Variants in FHAD1 observed in about 807,000 individuals in gnomAD.
FHAD1 encodes the protein forkhead associated phosphopeptide binding domain 1.
A neutral mutation model predicts 191.3 loss-of-function variants in FHAD1; 146 were observed. The ratio of observed to expected loss-of-function variants is 0.76; its 90% CI spans 0.67 to 0.88. FHAD1 has a LOEUF of 0.88. FHAD1 is among the 40% of genes least tolerant of loss of function. The pLI, the probability that FHAD1 is intolerant of heterozygous loss-of-function variation, is 0.00. For missense variants in FHAD1, 1,635 were observed against 1,785.8 expected, an observed-to-expected ratio of 0.92 and a Z score of 1.52; for synonymous variants, 616 against 672.3, an observed-to-expected ratio of 0.92 and a Z score of 1.29.
rs183613709 is a variant in FHAD1, at chr1:15,292,402, C to T, written c.568+2736C>T. Among the ~76,000 whole-genome samples the T allele has an allele frequency of 6.9e-3, 1,053 of 152,306 alleles. 15 individuals carry two copies. Among genetic ancestry groups the T allele is most frequent in the African/African-American group, 0.024 (979 of 41,560 alleles). ...AGGCTGGAGTGCAGTGGCACGATCT[C>T]GGCTTACAGCAAGCTCCACCTCCCA... On this transcript the variant is annotated intron_variant, in intron 4 of 33. Coordinates refer to ENST00000688493, the MANE Select transcript of FHAD1 (RefSeq NM_001391957.1).
intron 26 of FHAD1, among the ~76,000 whole-genome samples, chr1:15,373,258 C>T (rs1698624507): frequency 6.6e-6 from 1 of 152,092 alleles, no homozygotes; most frequent in African/African-American, 2.4e-5. Flanking sequence ...CACCTGTAAT[C>T]CCAGCACTTT....
intron 14 of FHAD1, among the ~76,000 whole-genome samples, chr1:15,333,362 G>C (rs899704338): frequency 6.6e-6 from 1 of 152,134 alleles, no homozygotes; most frequent in Non-Finnish European, 1.5e-5. Context: ...GAGGAGGAAG[G>C]AGGAGGGCGA....
At chr1:15,393,419 C>A (rs1400038475) in intron 33 of FHAD1, among the ~76,000 whole-genome samples, 1 of 132,442 alleles carries the variant, frequency 7.6e-6, no homozygotes, top group African/African-American at 3.6e-5. Flanking sequence ...GATGTGGACA[C>A]ACACACACAC....
rs544696210 is a variant in FHAD1 at position 15,311,047 on chromosome 1, C to T, written c.1040-2010C>T. ...TCTATTGGCCCCAAGAAGCATGTGA[C>T]GATGATCTGGGAGGGAGTGGAAACA... On this transcript the variant is annotated intron_variant, in intron 7 of 33. Transcript: ENST00000688493. This position sits in a 1 kb window ranked among gnomAD's most constrained non-coding sequence, Gnocchi z 4.1. 4.6e-5 allele frequency among the ~76,000 whole-genome samples: 7 copies of T among 152,276 alleles called. No homozygotes were observed. The East Asian group carries it at 5.8e-4, about 13-fold the overall frequency.
At position 15,373,442 on chromosome 1, in the gene FHAD1, G is replaced by A. The variant is rs562757026; in HGVS notation, c.3448-1060G>A. Among the ~76,000 whole-genome samples the A allele has an allele frequency of 6.6e-5, 10 of 151,926 alleles. No homozygotes were observed. The South Asian group carries it at 1.5e-3, about 22-fold the overall frequency. ...CAGGAGAATCGCTTGAACCCGGGAG[G>A]TGGAGGTTGCAGTGAGCCAAGATCA... On this transcript the variant is annotated intron_variant, in intron 26 of 33. Coordinates refer to ENST00000688493, the MANE Select transcript of FHAD1 (RefSeq NM_001391957.1).
intron 8 of FHAD1, among the ~76,000 whole-genome samples, chr1:15,315,652 A>AT (rs995151584): frequency 6.6e-6 from 1 of 151,696 alleles, no homozygotes; most frequent in African/African-American, 2.4e-5. Context: ...CACCTGGCTA[A>AT]TTTTTTTGTA....
chr1:15,324,009 C>G (rs751405163), intron 10 of FHAD1, among the ~76,000 whole-genome samples: 1 of 152,196 alleles, frequency 6.6e-6, no homozygotes, highest in African/African-American at 2.4e-5. Flanking sequence ...CTACTGTCAT[C>G]CACCTGTTCT....
rs1352968978 is a variant in FHAD1, at chr1:15,341,875, C to T, written c.2117C>T (p.Thr706Met). The change falls in exon 16 of 34, where the codon ACG becomes ATG. Residue 706 changes from threonine to methionine, a missense_variant. Coordinates refer to ENST00000688493, the MANE Select transcript of FHAD1 (RefSeq NM_001391957.1). ...CTCAAAGCCAAAATCAGGCAACTGACGGAAGAGAAGGCGGTAAGGTGGTCC... is the reference window on the plus strand; with the variant it reads ...CTCAAAGCCAAAATCAGGCAACTGATGGAAGAGAAGGCGGTAAGGTGGTCC... ...EKLKAKIRQL[T>M]EEKAALEEYI... 165 of 1,551,268 alleles carry T rather than the reference C, an allele frequency of 1.1e-4. No homozygotes were observed. The highest frequency in any genetic ancestry group is 1.3e-4 in the Non-Finnish European group (153 of 1,146,858).
At chr1:15,296,528 C>T (rs1667037568) in intron 4 of FHAD1, 156 bp from the exon 5 acceptor site, 3 of 714,040 alleles carry the variant, frequency 4.2e-6, no homozygotes, top group Middle Eastern at 2.4e-4. Context: ...GCTGGGATTA[C>T]AGGCGTGAGC....
intron 4 of FHAD1, among the ~76,000 whole-genome samples, chr1:15,295,829 G>C (rs1666771563): frequency 6.6e-6 from 1 of 152,194 alleles, no homozygotes; most frequent in Non-Finnish European, 1.5e-5. Context: ...TCAACTCTGT[G>C]TTTGTGGCAC....
chr1:15,258,154 T>C (rs1573708215), intron 2 of FHAD1, among the ~76,000 whole-genome samples: 2 of 152,126 alleles, frequency 1.3e-5, no homozygotes, highest in South Asian at 4.1e-4. Flanking sequence ...ACTTTGTTAC[T>C]CTGCCACCAC....
rs1247148744 is a variant in FHAD1 at position 15,365,877 on chromosome 1, T to C, written c.3098T>C (p.Ile1033Thr). ...QKEILSQQEV[I>T]MKLRKDLTEA... ...GAAATTCTGTCTCAGCAGGAAGTCA[T>C]CATGAAGTTAAGGAAAGACCTTACC... Residue 1033 changes from isoleucine (I) to threonine (T), a missense_variant, in exon 24 of 34, where the codon ATC (isoleucine) becomes ACC (threonine). Coordinates refer to ENST00000688493, the MANE Select transcript of FHAD1 (RefSeq NM_001391957.1). 9 of 1,551,522 alleles carry C rather than the reference T, an allele frequency of 5.8e-6. No homozygotes were observed. The South Asian group carries it at 8.3e-5, about 14-fold the overall frequency.
At chr1:15,376,073 A>G (rs868766740) in intron 28 of FHAD1, among the ~76,000 whole-genome samples, 2 of 137,150 alleles carry the variant, frequency 1.5e-5, no homozygotes, top group Non-Finnish European at 3.1e-5. Context: ...TTATTTATTT[A>G]TTTATTTTTT....
chr1:15,285,760 G>A (rs1662213984), intron 3 of FHAD1, among the ~76,000 whole-genome samples: 2 of 152,290 alleles, frequency 1.3e-5, no homozygotes, highest in South Asian at 4.1e-4. Context: ...TTCTCTGTTT[G>A]TTCATTATGC....
At chr1:15,391,101 C>A (rs757344916) in intron 32 of FHAD1, 109 bp from the exon 33 acceptor site, 5 of 407,612 alleles carry the variant, frequency 1.2e-5, no homozygotes, top group Non-Finnish European at 2.0e-5. Context: ...GAAGGCCCAG[C>A]GTTCCAAATG....
intron 8 of FHAD1, chr1:15,315,135 G>A (rs1240319669): frequency 6.6e-6 from 1 of 152,008 alleles, no homozygotes; most frequent in African/African-American, 2.4e-5. Flanking sequence ...ACATCCGAAT[G>A]ACTGTCTTTA....
At chr1:15,374,794 G>T (rs771545433) in intron 27 of FHAD1, among the ~76,000 whole-genome samples, 163 bp downstream of exon 27, 2 of 151,568 alleles carry the variant, frequency 1.3e-5, no homozygotes, top group African/African-American at 2.4e-5. Context: ...TCAGAGTCAA[G>T]TGCAGGCCTT....
chr1:15,343,488 A>G (rs1047280240), intron 16 of FHAD1, among the ~76,000 whole-genome samples: 1 of 151,356 alleles, frequency 6.6e-6, no homozygotes, highest in Admixed American at 6.6e-5. Flanking sequence ...TACCACACAC[A>G]CCTGCCCTCC....
Position 15,251,790 on chromosome 1 carries a change from G to T in FHAD1, c.6G>T (p.Lys2Asn), listed in dbSNP as rs116423526. Reference sequence around the variant, plus strand: ...ATGTAGGGAAAACAGAGAGGATGAAGGCCTATCTAAAGAGCGCAGAAGGCT... The same window carrying T: ...ATGTAGGGAAAACAGAGAGGATGAATGCCTATCTAAAGAGCGCAGAAGGCT... M[K>N]AYLKSAEGFF... Residue 2 changes from lysine to asparagine, a missense_variant, in exon 2 of 34, where the codon AAG becomes AAT. Lys to Asn is a moderately conservative substitution (Grantham distance 94). Coordinates refer to ENST00000688493, the MANE Select transcript of FHAD1 (RefSeq NM_001391957.1). 362 of 1,551,620 alleles carry T rather than the reference G, an allele frequency of 2.3e-4. No homozygotes were observed. In the African/African-American group the frequency reaches 4.4e-3, roughly 19 times the overall value.
Sources: allele counts gnomAD v4.1 joint callset (sites outside exome capture counted in the v4.1 genomes callset), GRCh38; gene constraint gnomAD v4.1.1; non-coding constraint Gnocchi (gnomAD v3.1); transcripts MANE v1.5; gene names NCBI Gene and HGNC (gene_info 2026-07-23, HGNC 2026-07-21).